Variants in CFAP92 observed in about 807,000 individuals in gnomAD.
CFAP92 encodes uncharacterized protein CFAP92.
A neutral mutation model predicts 106.3 loss-of-function variants in CFAP92; 86 were observed. The observed-to-expected ratio is 0.81, with a 90% CI of 0.68 to 0.97. The LOEUF (loss-of-function observed/expected upper bound fraction) is 0.97, where lower values mean the gene tolerates loss of function less well. Ranked by LOEUF, CFAP92 falls within the 50% of genes least tolerant of loss-of-function variation. CFAP92 has a pLI of 0.00. For missense variants in CFAP92, 1,204 were observed against 1,283.8 expected, an observed-to-expected ratio of 0.94 and a Z score of 0.95; for synonymous variants, 477 against 506.4, an observed-to-expected ratio of 0.94 and a Z score of 0.78.
chr3:128,945,083 T>C lies in CFAP92; in HGVS notation c.2246A>G (p.Asn749Ser), dbSNP rs988112042. The C allele has an allele frequency of 6.6e-7, 1 of 1,521,688 alleles. No individual in the cohort carries two copies. The highest frequency in any genetic ancestry group is 8.8e-7 in the Non-Finnish European group (1 of 1,138,444). 94.3% of individuals were successfully genotyped at this position (1,521,688 alleles called of 1,614,324 possible). A position where few individuals can be genotyped will look rare whatever the true frequency, so the allele number is the denominator to read the frequency against. The change falls in exon 10 of 16, where the codon AAC (asparagine) becomes AGC (serine). Residue 749 changes from asparagine (N) to serine (S), a missense_variant. Coordinates refer to ENST00000645291, the MANE Select transcript of CFAP92 (RefSeq NM_001394090.1). ...ACAAACCACCTACCAGCTTTGGTGG[T>C]TCTCCCACAGCTGCCTCAAGCCTTG... Reference protein sequence around the residue: ...ADQGLRQLWENHQSWIPRSEH... With the variant: ...ADQGLRQLWESHQSWIPRSEH...
At chr3:128,971,101 T>G in intron 8 of CFAP92, 186 bp downstream of exon 8, 9 of 809,050 alleles carry the variant, frequency 1.1e-5, no homozygotes, top group Non-Finnish European at 1.7e-5. Flanking sequence ...TCAGGCAAGG[T>G]AGCTACCCTC....
At chr3:128,978,455 C>A in intron 4 of CFAP92, 1 of 268,140 alleles carries the variant, frequency 3.7e-6, no homozygotes, top group South Asian at 5.8e-5. Context: ...GGGCCAGATA[C>A]GGTGGCTCAT....
At chr3:128,947,649 C>T (rs976924442) in intron 9 of CFAP92, among the ~76,000 whole-genome samples, 3 of 152,142 alleles carry the variant, frequency 2.0e-5, no homozygotes, top group Non-Finnish European at 4.4e-5. Flanking sequence ...TCAACGTAAA[C>T]CTCACACCAT....
intron 15 of CFAP92, among the ~76,000 whole-genome samples, chr3:128,913,378 C>T (rs1936553582): frequency 6.6e-6 from 1 of 152,198 alleles, no homozygotes; most frequent in Admixed American, 6.5e-5. Context: ...AGTTTCTTTA[C>T]AAGAACTGGC....
upstream of CFAP92, among the ~76,000 whole-genome samples, chr3:129,004,539 C>T (rs976662041): frequency 6.6e-6 from 1 of 150,500 alleles, no homozygotes; most frequent in African/African-American, 2.5e-5. Flanking sequence ...TCCCCCCACC[C>T]ACCCAGCCAG....
chr3:128,934,104 C>T (rs974506726), intron 11 of CFAP92, among the ~76,000 whole-genome samples: 3 of 149,962 alleles, frequency 2.0e-5, no homozygotes, highest in Non-Finnish European at 2.9e-5. Context: ...TCCGTGCCCC[C>T]GCTGGGTCCC....
intron 12 of CFAP92, among the ~76,000 whole-genome samples, chr3:128,921,751 C>A (rs570932522): frequency 1.7e-4 from 26 of 152,272 alleles, no homozygotes; most frequent in African/African-American, 5.5e-4. Flanking sequence ...CAACCTCTTT[C>A]GGGAAATGGG....
the CFAP92 span, among the ~76,000 whole-genome samples, chr3:129,013,083 T>C: frequency 6.6e-6 from 1 of 152,176 alleles, no homozygotes; most frequent in Non-Finnish European, 1.5e-5. Context: ...GACGTGCCAG[T>C]GTCAGGACTT....
At chr3:129,006,220 G>C (rs1441891099), upstream of CFAP92, among the ~76,000 whole-genome samples, 2 of 152,232 alleles carry the variant, frequency 1.3e-5, no homozygotes, top group Admixed American at 1.3e-4. Flanking sequence ...GATGGCTGCT[G>C]TGCCTCCAGA....
chr3:128,991,545 G>C (rs1944216406), intron 2 of CFAP92: 1 of 157,224 alleles, frequency 6.4e-6, no homozygotes, highest in South Asian at 1.7e-4. Flanking sequence ...ACCTACCCTG[G>C]CCGGAAGACA....
At chr3:128,932,623 C>A (rs529938493) in intron 12 of CFAP92, 77 bp downstream of exon 12, 7 of 1,373,640 alleles carry the variant, frequency 5.1e-6, no homozygotes, top group South Asian at 2.8e-5. Flanking sequence ...CAGGAATATG[C>A]CCTATGCCTC....
At chr3:128,937,312 CAAAAAA>C (rs34884891) in intron 10 of CFAP92, among the ~76,000 whole-genome samples, 1 of 85,284 alleles carries the variant, frequency 1.2e-5, no homozygotes, top group African/African-American at 4.7e-5. Context: ...GACCCTGTCT[CAAAAAA>C]AAAAAAAAAA....
rs1309005546 is a variant in CFAP92 at position 128,935,138 on chromosome 3, G to C, written c.2440C>G (p.Gln814Glu). The C allele has an allele frequency of 3.3e-6, 5 of 1,529,082 alleles. No individual in the cohort carries two copies. Among genetic ancestry groups the C allele is most frequent in the Non-Finnish European group, 4.4e-6 (5 of 1,142,568 alleles). The allele number at this position is 1,529,082 out of a possible 1,614,324, so 94.7% of individuals were successfully genotyped here. The change falls in exon 11 of 16, where the codon CAG becomes GAG. Residue 814 changes from glutamine (Q) to glutamate (E), a missense_variant. Physicochemically the swap from Gln to Glu is conservative, Grantham distance 29 (BLOSUM62 2). Coordinates refer to ENST00000645291, the MANE Select transcript of CFAP92 (RefSeq NM_001394090.1). Reference protein sequence around the residue: ...LRDTERRRVFQALARIHDICY... With the variant: ...LRDTERRRVFEALARIHDICY... The stretch of plus-strand genomic sequence containing the variant: ...GCCACTGCCCACCTGGCTAGAGCCT[G>C]GAAGACCCGCCTCCGCTCAGTGTCT...
At chr3:128,979,947 A>AATATATATATAT (rs375673134) in intron 4 of CFAP92, among the ~76,000 whole-genome samples, 110 of 128,286 alleles carry the variant, frequency 8.6e-4, no homozygotes, top group Non-Finnish European at 1.2e-3. Flanking sequence ...AAAGTATAAT[A>AATATATATATAT]ATATATATAT....
chr3:128,947,977 C>T (rs891678306), intron 9 of CFAP92, among the ~76,000 whole-genome samples: 1 of 151,718 alleles, frequency 6.6e-6, no homozygotes, highest in African/African-American at 2.4e-5. Context: ...ACAATGCATA[C>T]ATGAAAAAAA....
rs1460406719 is a variant in CFAP92, at chr3:128,945,720, G to C, written c.1609C>G (p.Leu537Val). ...GGAGAGATGAGGGCCTGGAAGTTGA[G>C]GTATGAATCCAGAGGGTCCTCCCCA... ...LFGEDPLDSYLNFQALISPRE... is the reference protein window; with the variant it reads ...LFGEDPLDSYVNFQALISPRE... The change falls in exon 10 of 16, where the codon CTC (leucine) becomes GTC (valine). Residue 537 changes from leucine (L) to valine (V), a missense_variant. Physicochemically the swap from Leu to Val is conservative, Grantham distance 32. Coordinates refer to ENST00000645291, the MANE Select transcript of CFAP92 (RefSeq NM_001394090.1). 1.3e-6 allele frequency: 2 copies of C among 1,536,078 alleles called. No individual in the cohort carries two copies. Among genetic ancestry groups the C allele is most frequent in the Admixed American group, 2.0e-5 (1 of 50,990 alleles).
At chr3:129,002,033 C>A in intron 1 of CFAP92, 1 of 1,543,804 alleles carries the variant, frequency 6.5e-7, no homozygotes, top group Non-Finnish European at 8.7e-7. Flanking sequence ...CGCTGCGCGC[C>A]GAGCCGCCGG....
In CFAP92 at chr3:128,946,430, T is replaced by C. The variant is rs1031294366; in HGVS notation, c.1354-455A>G. ...CAGGTGCCAAGCTGAAAACTGACAC[T>C]CTGGGCAGGAGACAGCCTCAGAGAG... On this transcript the variant is annotated intron_variant, in intron 9 of 15. Coordinates refer to ENST00000645291, the MANE Select transcript of CFAP92 (RefSeq NM_001394090.1). Among the ~76,000 whole-genome samples, 8 of 152,172 alleles carry C rather than the reference T, an allele frequency of 5.3e-5. No homozygotes were observed. In the South Asian group the frequency reaches 1.5e-3, roughly 28 times the overall value.
rs538069034 is a variant in CFAP92 at position 128,986,260 on chromosome 3, G to A, written c.667+1356C>T. Among the ~76,000 whole-genome samples, 138 of 143,788 alleles carry A rather than the reference G, an allele frequency of 9.6e-4. 1 individual carries two copies. Among genetic ancestry groups the A allele is most frequent in the Non-Finnish European group, 3.8e-4 (25 of 66,260 alleles). 94.3% of individuals were successfully genotyped at this position (143,788 alleles called of 152,430 possible). A position where few individuals can be genotyped will look rare whatever the true frequency, so the allele number is the denominator to read the frequency against. On this transcript the variant is annotated intron_variant, in intron 4 of 15. Coordinates refer to ENST00000645291, the MANE Select transcript of CFAP92 (RefSeq NM_001394090.1). ...TTTTACTTTTTTTTTTTTTTTTTGAGATAAGGTCTTGCTCCATCACCCAGG... is the reference window on the plus strand; with the variant it reads ...TTTTACTTTTTTTTTTTTTTTTTGAAATAAGGTCTTGCTCCATCACCCAGG...
Sources: gnomAD v4.1 joint callset for allele counts (sites outside exome capture counted in the v4.1 genomes callset) on GRCh38, gnomAD v4.1.1 for gene constraint, MANE v1.5 for transcripts, NCBI Gene and HGNC (gene_info 2026-07-23, HGNC 2026-07-21) for gene names.